Variants in CCDC93 observed in about 807,000 individuals in gnomAD.
CCDC93 encodes CCC complex scaffolding subunit CCDC93, also known as coiled-coil domain-containing protein 93.
A neutral mutation model predicts 108.2 loss-of-function variants in CCDC93; 61 were observed. The ratio of observed to expected loss-of-function variants is 0.56; its 90% CI spans 0.46 to 0.70. CCDC93 has a LOEUF of 0.70. CCDC93 is among the 30% of genes least tolerant of loss of function. The pLI is 0.00. For missense variants in CCDC93, 685 were observed against 764.2 expected (o/e 0.90, Z 1.22); for synonymous variants, 276 against 260.4 (o/e 1.06, Z -0.58).
chr2:117,921,991 T>TG (rs1254161303), intron 23 of CCDC93, among the ~76,000 whole-genome samples: 4 of 151,286 alleles, frequency 2.6e-5, no homozygotes, highest in South Asian at 4.2e-4. Flanking sequence ...GAGATGTACT[T>TG]GGGGGGAAAA....
chr2:117,978,278 A>G (rs1248840366), intron 7 of CCDC93, among the ~76,000 whole-genome samples: 1 of 152,220 alleles, frequency 6.6e-6, no homozygotes, highest in Non-Finnish European at 1.5e-5. Context: ...TATGGAATGC[A>G]ACATTTTCCT....
intron 11 of CCDC93, among the ~76,000 whole-genome samples, chr2:117,969,000 C>T (rs1345244589): frequency 6.6e-6 from 1 of 152,216 alleles, no homozygotes; most frequent in Non-Finnish European, 1.5e-5. Context: ...TGGTAGACAA[C>T]TCTACAATGG....
chr2:117,919,269 TC>T lies in CCDC93; in HGVS notation c.*1073del, dbSNP rs1558762270. ...GCAGAGACTAGCTTATTCCCTCCTT[TC>T]CCAACATGCATGCCTTGTACTCCTC... On this transcript the variant is annotated 3_prime_UTR_variant, in exon 24 of 24. Coordinates refer to ENST00000376300, the MANE Select transcript of CCDC93 (RefSeq NM_019044.5). 1 of 152,320 alleles carries T rather than the reference TC, an allele frequency of 6.6e-6. No homozygotes were observed. Among genetic ancestry groups the T allele is most frequent in the East Asian group, 1.9e-4 (1 of 5,170 alleles). The allele number at this position is 152,320 out of a possible 1,614,324, so 9.4% of individuals were successfully genotyped here.
intron 20 of CCDC93, among the ~76,000 whole-genome samples, chr2:117,938,550 GACAAGA>G (rs1460942083): frequency 1.6e-5 from 1 of 61,950 alleles, no homozygotes; most frequent in African/African-American, 6.0e-5. Context: ...AGAAAAAAAA[GACAAGA>G]AAAAAAAAAA....
intron 18 of CCDC93, among the ~76,000 whole-genome samples, chr2:117,941,956 TC>T (rs1281307050): frequency 6.6e-6 from 1 of 152,150 alleles, no homozygotes; most frequent in Non-Finnish European, 1.5e-5. Context: ...CTGCCTTTCT[TC>T]TGTGCCTGCA....
chr2:117,994,629 G>A (rs1290867563), intron 6 of CCDC93, among the ~76,000 whole-genome samples: 1 of 152,222 alleles, frequency 6.6e-6, no homozygotes, highest in East Asian at 1.9e-4. Context: ...CAAACACCAG[G>A]CAATGCCAAT....
intron 6 of CCDC93, among the ~76,000 whole-genome samples, chr2:117,990,004 T>A (rs1301578074): frequency 1.3e-5 from 2 of 152,250 alleles, no homozygotes; most frequent in Admixed American, 1.3e-4. Context: ...AAGTCTTTTC[T>A]CTGTCCCCTC....
chr2:117,958,429 A>G lies in CCDC93; in HGVS notation c.941T>C (p.Leu314Pro). 1.2e-6 allele frequency: 2 copies of G among 1,613,930 alleles called. No homozygotes were observed. Among genetic ancestry groups the G allele is most frequent in the East Asian group, 2.2e-5 (1 of 44,884 alleles). Residue 314 changes from leucine to proline, a missense_variant, in exon 12 of 24, where the codon CTA becomes CCA. Physicochemically the swap from Leu to Pro is moderately conservative, Grantham distance 98 (BLOSUM62 -3). Transcript: ENST00000376300. ...ESPEKLGTSQ[L>P]HRRKVISLNK... ...CAAGGAAATGACTTTCCGGCGATGT[A>G]GCTGGGAGGTTCCTAATTTTTCTGG... is the stretch of plus-strand genomic sequence containing the variant.
At chr2:118,004,234 G>C (rs1337350199) in intron 3 of CCDC93, among the ~76,000 whole-genome samples, 1 of 152,206 alleles carries the variant, frequency 6.6e-6, no homozygotes, top group Non-Finnish European at 1.5e-5. Flanking sequence ...ACACATGCAA[G>C]TGCTTGGAAC....
At chr2:118,000,535 A>G (rs981093035) in intron 4 of CCDC93, among the ~76,000 whole-genome samples, 4 of 152,240 alleles carry the variant, frequency 2.6e-5, no homozygotes, top group African/African-American at 4.8e-5. Context: ...AAAAGGGAAC[A>G]GAGCATACCA....
At chr2:117,935,179 T>C (rs1414788657) in intron 22 of CCDC93, among the ~76,000 whole-genome samples, 4 of 152,136 alleles carry the variant, frequency 2.6e-5, no homozygotes, top group African/African-American at 9.7e-5. Context: ...GGTCTCCTCA[T>C]CTGTAAAATG....
chr2:117,922,863 G>A (rs1216624494), intron 23 of CCDC93, among the ~76,000 whole-genome samples: 2 of 152,158 alleles, frequency 1.3e-5, no homozygotes, highest in Non-Finnish European at 2.9e-5. Flanking sequence ...GGTAGAGGCT[G>A]TGGAGTAGCA....
At chr2:117,981,549 T>C (rs893668284) in intron 7 of CCDC93, among the ~76,000 whole-genome samples, 7 of 152,190 alleles carry the variant, frequency 4.6e-5, no homozygotes, top group Admixed American at 3.9e-4. Flanking sequence ...ATCATCCAGT[T>C]CACTTCTTCA....
Position 117,983,633 on chromosome 2 carries a change from TATATATATATATATATA to T in CCDC93, c.620+2319_620+2335del, listed in dbSNP as rs1680221494. Among the ~76,000 whole-genome samples, 924 of 115,670 alleles carry T rather than the reference TATATATATATATATATA, an allele frequency of 8.0e-3. 25 individuals are homozygous for T. Among genetic ancestry groups the T allele is most frequent in the East Asian group, 0.043 (209 of 4,908 alleles). 75.9% of individuals were successfully genotyped at this position (115,670 alleles called of 152,430 possible). ...ACATTGAACAAACTGCTCAAAATTA[TATATATATATATATATA>T]TATATATATATATATATATATATAT... On this transcript the variant is annotated intron_variant, in intron 7 of 23. Transcript: ENST00000376300.
intron 12 of CCDC93, among the ~76,000 whole-genome samples, chr2:117,955,538 T>A (rs570705491): frequency 1.3e-5 from 2 of 152,294 alleles, no homozygotes; most frequent in East Asian, 3.9e-4. Flanking sequence ...CACTATCCAG[T>A]CACTAAAAAG....
chr2:117,980,616 TA>T (rs1680087223), intron 7 of CCDC93, among the ~76,000 whole-genome samples: 1 of 152,178 alleles, frequency 6.6e-6, no homozygotes, highest in South Asian at 2.1e-4. Context: ...CCCTCATGAG[TA>T]ATCCGCTAAG....
chr2:117,920,136 T>C lies in CCDC93; in HGVS notation c.*207A>G, dbSNP rs991480018. 1.0e-5 allele frequency: 5 copies of C among 486,638 alleles called. No individual in the cohort carries two copies. Among genetic ancestry groups the C allele is most frequent in the African/African-American group, 9.6e-5 (5 of 52,226 alleles). The allele number at this position is 486,638 out of a possible 1,614,324, so 30.1% of individuals were successfully genotyped here. A position where few individuals can be genotyped will look rare whatever the true frequency, so the allele number is the denominator to read the frequency against. ...ATTCTTCATAGGATGATGGGTGTTA[T>C]CCAAGCCACGTGTTTACTGTCTGAC... On this transcript the variant is annotated 3_prime_UTR_variant, in exon 24 of 24. Transcript: ENST00000376300.
At chr2:117,980,469 A>G (rs577704231) in intron 7 of CCDC93, among the ~76,000 whole-genome samples, 1 of 152,142 alleles carries the variant, frequency 6.6e-6, no homozygotes, top group African/African-American at 2.4e-5. Context: ...TGAACAACCA[A>G]ATCTGAGTGA....
intron 22 of CCDC93, among the ~76,000 whole-genome samples, chr2:117,933,532 A>C (rs959595726): frequency 1.3e-4 from 19 of 151,896 alleles, no homozygotes; most frequent in African/African-American, 4.6e-4. Context: ...CCTCTTCTTT[A>C]CTCAGAAACC....
Sources: allele counts gnomAD v4.1 joint callset (sites outside exome capture counted in the v4.1 genomes callset), GRCh38; gene constraint gnomAD v4.1.1; transcripts MANE v1.5; gene names NCBI Gene and HGNC (gene_info 2026-07-23, HGNC 2026-07-21).